The following NELL1 variants were observed in gnomAD, a reference collection of about 807,000 sequenced individuals.
NELL1 encodes neural EGFL like 1.
In NELL1, 76 loss-of-function variants were observed where a neutral mutation model predicts 107.4. The observed-to-expected ratio is 0.71, with a 90% CI of 0.59 to 0.86. The LOEUF (loss-of-function observed/expected upper bound fraction) is 0.86, where lower values mean the gene tolerates loss of function less well. Ranked by LOEUF, NELL1 falls within the 40% of genes least tolerant of loss-of-function variation. The probability of loss-of-function intolerance (pLI) is 0.00; values close to 1 mark genes in which losing one functional copy is unlikely to be tolerated. For synonymous variants in NELL1, 353 were observed against 341.2 expected (o/e 1.03, Z -0.38); for missense variants, 1,024 against 1,005.5 (o/e 1.02, Z -0.25).
chr11:21,085,572 G>A (rs1430304575), intron 12 of NELL1, among the ~76,000 whole-genome samples: 2 of 152,028 alleles, frequency 1.3e-5, no homozygotes, highest in Non-Finnish European at 1.5e-5. Context: ...GGAGTTCAAC[G>A]TTACAGTGAA....
chr11:20,910,889 T>C (rs1850115014), intron 5 of NELL1, among the ~76,000 whole-genome samples: 1 of 152,214 alleles, frequency 6.6e-6, no homozygotes, highest in South Asian at 2.1e-4. Context: ...TATAAGAATA[T>C]GTATTAAAAG....
chr11:21,530,660 G>T (rs894961848), intron 15 of NELL1, among the ~76,000 whole-genome samples: 1 of 151,590 alleles, frequency 6.6e-6, no homozygotes, highest in Non-Finnish European at 1.5e-5. Context: ...TACCTATTTT[G>T]CCCACTTAAA....
intron 13 of NELL1, among the ~76,000 whole-genome samples, chr11:21,213,129 G>A (rs1303487350): frequency 6.6e-6 from 1 of 151,970 alleles, no homozygotes; most frequent in East Asian, 1.9e-4. Context: ...AAAATGAAAT[G>A]CCTAAGAAAA....
intron 13 of NELL1, among the ~76,000 whole-genome samples, chr11:21,146,837 A>G (rs1290975817): frequency 1.3e-5 from 2 of 152,080 alleles, no homozygotes; most frequent in African/African-American, 4.8e-5. Flanking sequence ...TGAGGTCAGG[A>G]GTTCGAGACC....
intron 14 of NELL1, among the ~76,000 whole-genome samples, chr11:21,261,881 ATTGGTG>A (rs1364856258): frequency 6.6e-6 from 1 of 151,824 alleles, no homozygotes; most frequent in Non-Finnish European, 1.5e-5. Flanking sequence ...AACAGATTCA[ATTGGTG>A]TTTTCGTTCA....
intron 5 of NELL1, among the ~76,000 whole-genome samples, chr11:20,904,812 A>G (rs1440116897): frequency 6.6e-6 from 1 of 151,558 alleles, no homozygotes; most frequent in Non-Finnish European, 1.5e-5. Context: ...ATTTTTTTTT[A>G]AGTTTTTTTT....
intron 15 of NELL1, among the ~76,000 whole-genome samples, chr11:21,526,943 A>G (rs1855869937): frequency 6.6e-6 from 1 of 152,212 alleles, no homozygotes; most frequent in African/African-American, 2.4e-5. Context: ...CTTGGTGATT[A>G]GCATTTGGCT....
intron 5 of NELL1, among the ~76,000 whole-genome samples, chr11:20,891,329 A>G (rs1849612883): frequency 6.6e-6 from 1 of 152,216 alleles, no homozygotes; most frequent in Non-Finnish European, 1.5e-5. Flanking sequence ...TTTTGTTACC[A>G]CCAGGCCTGC....
intron 13 of NELL1, among the ~76,000 whole-genome samples, chr11:21,148,385 TG>T (rs1856034790): frequency 6.6e-6 from 1 of 152,122 alleles, no homozygotes; most frequent in African/African-American, 2.4e-5. Flanking sequence ...TGGGAGAGAC[TG>T]GTATTTCAGT....
At chr11:20,795,740 G>A (rs1445626178) in intron 3 of NELL1, among the ~76,000 whole-genome samples, 3 of 152,114 alleles carry the variant, frequency 2.0e-5, no homozygotes, top group Non-Finnish European at 1.5e-5. Flanking sequence ...CTTTTCTGAG[G>A]AGATGAAGAA....
At chr11:21,465,916 A>G (rs750163115) in intron 15 of NELL1, among the ~76,000 whole-genome samples, 17 of 152,226 alleles carry the variant, frequency 1.1e-4, no homozygotes, top group Non-Finnish European at 5.9e-5. Context: ...ATGCGTCTTC[A>G]GCTGGCTGTG....
At chr11:21,298,526 C>G (rs1462679172) in intron 14 of NELL1, among the ~76,000 whole-genome samples, 1 of 151,962 alleles carries the variant, frequency 6.6e-6, no homozygotes, top group Non-Finnish European at 1.5e-5. Context: ...GATGTGCTTT[C>G]TTTCAAGGAG....
intron 2 of NELL1, among the ~76,000 whole-genome samples, chr11:20,705,234 G>A (rs1832995584): frequency 6.6e-6 from 1 of 152,120 alleles, no homozygotes; most frequent in African/African-American, 2.4e-5. Context: ...AACAAAGCTG[G>A]ATGCATCACG....
At chr11:20,897,000 T>C (rs1849755584) in intron 5 of NELL1, among the ~76,000 whole-genome samples, 1 of 152,192 alleles carries the variant, frequency 6.6e-6, no homozygotes, top group African/African-American at 2.4e-5. Flanking sequence ...AGGTAATTTA[T>C]AGATTCAGTG....
At chr11:21,412,877 A>C (rs1441367456) in intron 15 of NELL1, among the ~76,000 whole-genome samples, 1 of 152,036 alleles carries the variant, frequency 6.6e-6, no homozygotes, top group Non-Finnish European at 1.5e-5. Flanking sequence ...CCCATTTGCA[A>C]CCCTCACATT....
chr11:21,171,854 A>G (rs1435657354), intron 13 of NELL1, among the ~76,000 whole-genome samples: 1 of 151,878 alleles, frequency 6.6e-6, no homozygotes, highest in Non-Finnish European at 1.5e-5. Context: ...AAATTAAATC[A>G]GTTGCCCTTA....
At chr11:20,691,121 G>C (rs1223417255) in intron 2 of NELL1, among the ~76,000 whole-genome samples, 1 of 151,916 alleles carries the variant, frequency 6.6e-6, no homozygotes, top group East Asian at 1.9e-4. Context: ...TGTGATTTTT[G>C]TACATTGATT....
chr11:20,864,231 T>C (rs2134078867), intron 4 of NELL1, among the ~76,000 whole-genome samples: 1 of 152,358 alleles, frequency 6.6e-6, no homozygotes, highest in South Asian at 2.1e-4. Flanking sequence ...AGCAGGCTGT[T>C]TGAAATATAT....
intron 5 of NELL1, among the ~76,000 whole-genome samples, chr11:20,901,277 G>A (rs1330719155): frequency 6.6e-6 from 1 of 152,026 alleles, no homozygotes; most frequent in African/African-American, 2.4e-5. Flanking sequence ...CAATTGCATT[G>A]CTGAGCAAAA....
Sources: gnomAD v4.1 joint callset for allele counts (sites outside exome capture counted in the v4.1 genomes callset) on GRCh38, gnomAD v4.1.1 for gene constraint, MANE v1.5 for transcripts, NCBI Gene and HGNC (gene_info 2026-07-23, HGNC 2026-07-21) for gene names.